ASXL3: variants seen among roughly 807,000 people sequenced by gnomAD.
The protein encoded by ASXL3 is ASXL transcriptional regulator 3, also known as putative Polycomb group protein ASXL3.
In ASXL3, 34 loss-of-function variants were observed where a neutral mutation model predicts 170.6. That is an observed-to-expected ratio of 0.20 (90% CI 0.15 to 0.27). ASXL3 has a LOEUF of 0.27. Ranked by LOEUF, ASXL3 falls within the 10% of genes least tolerant of loss-of-function variation. The pLI, the probability that ASXL3 is intolerant of heterozygous loss-of-function variation, is 1.00. For missense variants in ASXL3, 2,592 were observed against 2,695.3 expected, an observed-to-expected ratio of 0.96 and a Z score of 0.85; for synonymous variants, 1,002 against 989.1, an observed-to-expected ratio of 1.01 and a Z score of -0.24.
intron 8 of ASXL3, among the ~76,000 whole-genome samples, chr18:33,710,798 G>A (rs2067046804): frequency 6.6e-6 from 1 of 151,956 alleles, no homozygotes; most frequent in Non-Finnish European, 1.5e-5. Flanking sequence ...TAAACATATA[G>A]TTAAAATATA....
Position 33,743,510 on chromosome 18 carries a change from C to G in ASXL3, c.3662C>G (p.Ser1221Cys), listed in dbSNP as rs1245079335. The change falls in exon 12 of 12, where the codon TCT (serine) becomes TGT (cysteine). Residue 1221 changes from serine to cysteine, a missense_variant. Coordinates refer to ENST00000269197, the MANE Select transcript of ASXL3 (RefSeq NM_030632.3). ...HLSEKIVSST[S>C]SENSSVPMLF... The stretch of plus-strand genomic sequence containing the variant: ...TCTGAGAAAATTGTTTCATCTACCT[C>G]TTCTGAAAATAGCAGTGTGCCCATG... 4 of 1,613,514 alleles carry G rather than the reference C, an allele frequency of 2.5e-6. No homozygotes were observed. Among genetic ancestry groups the G allele is most frequent in the Non-Finnish European group, 3.4e-6 (4 of 1,179,832 alleles).
chr18:33,611,350 TTTTC>T lies in ASXL3; in HGVS notation c.137+3681_137+3684del, dbSNP rs544159063. On this transcript the variant is annotated intron_variant, in intron 2 of 11. Transcript: ENST00000269197. ...AATAGAATGATTTTTTAAGATCTGG[TTTTC>T]TTTCTTATGAAAATATTCTTGGTAA... 1.9e-3 allele frequency among the ~76,000 whole-genome samples: 293 copies of T among 152,202 alleles called. 1 individual carries two copies. Among genetic ancestry groups the T allele is most frequent in the African/African-American group, 6.7e-3 (278 of 41,554 alleles).
At chr18:33,664,555 C>G (rs971546460) in intron 5 of ASXL3, among the ~76,000 whole-genome samples, 2 of 152,098 alleles carry the variant, frequency 1.3e-5, no homozygotes, top group Non-Finnish European at 2.9e-5. Flanking sequence ...CCAGCGTAGA[C>G]TCTTAGAAAT....
At chr18:33,607,766 T>C (rs1447940201) in intron 2 of ASXL3, 90 bp downstream of exon 2, 1 of 939,132 alleles carries the variant, frequency 1.1e-6, no homozygotes. Context: ...GATTTTGATA[T>C]TGTAGTTGAT....
Position 33,742,970 on chromosome 18 carries a change from C to T in ASXL3, c.3122C>T (p.Thr1041Ile), listed in dbSNP as rs763743485. The change falls in exon 12 of 12, where the codon ACA becomes ATA. Residue 1041 changes from threonine to isoleucine, a missense_variant. This residue lies in a region of ASXL3 where 2,246 missense variants were observed against 2,219.6 expected (regional missense o/e 1.01). Transcript: ENST00000269197. ...SKPESRASTSTSVSGGRNTGA... is the reference protein window; with the variant it reads ...SKPESRASTSISVSGGRNTGA... ...CCTGAGTCTCGAGCATCCACTAGCACATCTGTCAGTGGCGGGAGGAACACA... is the reference window on the plus strand; with the variant it reads ...CCTGAGTCTCGAGCATCCACTAGCATATCTGTCAGTGGCGGGAGGAACACA... 6.2e-7 allele frequency: 1 copy of T among 1,613,922 alleles called. No homozygotes were observed. The highest frequency in any genetic ancestry group is 1.7e-5 in the Admixed American group (1 of 60,018).
At chr18:33,710,456 C>G (rs2067038811) in intron 8 of ASXL3, among the ~76,000 whole-genome samples, 1 of 152,132 alleles carries the variant, frequency 6.6e-6, no homozygotes, top group Non-Finnish European at 1.5e-5. Context: ...CTTCATTTTT[C>G]CATTTGAGTT....
At chr18:33,693,225 G>T (rs139531949) in intron 8 of ASXL3, among the ~76,000 whole-genome samples, 1 of 152,116 alleles carries the variant, frequency 6.6e-6, no homozygotes, top group African/African-American at 2.4e-5. Flanking sequence ...TGTTTATTGT[G>T]CATTTGAGAA....
chr18:33,594,526 T>C (rs1316538757), intron 1 of ASXL3, among the ~76,000 whole-genome samples: 2 of 152,114 alleles, frequency 1.3e-5, no homozygotes, highest in African/African-American at 4.8e-5. Flanking sequence ...CTCAAAGAGA[T>C]CCAACCCCTA....
At chr18:33,603,770 T>G (rs1298756917) in intron 1 of ASXL3, among the ~76,000 whole-genome samples, 1 of 152,112 alleles carries the variant, frequency 6.6e-6, no homozygotes, top group Non-Finnish European at 1.5e-5. Context: ...CTTCAGTCCA[T>G]GAGAGATGCA....
chr18:33,740,483 G>T, intron 11 of ASXL3, 40 bp downstream of exon 11: 2 of 1,464,880 alleles, frequency 1.4e-6, no homozygotes, highest in South Asian at 1.5e-5. Context: ...CCGTAGATAG[G>T]CTTTTCCTAT....
chr18:33,683,013 T>C (rs2066538274), intron 7 of ASXL3, among the ~76,000 whole-genome samples: 1 of 152,186 alleles, frequency 6.6e-6, no homozygotes, highest in Non-Finnish European at 1.5e-5. Flanking sequence ...AGTACTGTTG[T>C]TTCTGTTATC....
Position 33,749,885 on chromosome 18 carries a change from T to TACA in ASXL3, c.*3291_*3293dup, listed in dbSNP as rs967555527. ...TTCAAAATACACAAAAACAAGCTGG[T>TACA]ACATATGGTGCTTTATAATGCAGTC... On this transcript the variant is annotated 3_prime_UTR_variant, in exon 12 of 12. Coordinates refer to ENST00000269197, the MANE Select transcript of ASXL3 (RefSeq NM_030632.3). 1 of 152,242 alleles carries TACA rather than the reference T, an allele frequency of 6.6e-6. No individual in the cohort carries two copies. Among genetic ancestry groups the TACA allele is most frequent in the African/African-American group, 2.4e-5 (1 of 41,450 alleles). The allele number at this position is 152,242 out of a possible 1,614,324, so 9.4% of individuals were successfully genotyped here.
At chr18:33,647,951 G>A (rs930865987) in intron 4 of ASXL3, among the ~76,000 whole-genome samples, 3 of 151,980 alleles carry the variant, frequency 2.0e-5, no homozygotes, top group Non-Finnish European at 4.4e-5. Context: ...CAGGTAGAGG[G>A]AACAGCAGTT....
At chr18:33,622,273 A>G (rs1182608608) in intron 2 of ASXL3, among the ~76,000 whole-genome samples, 1 of 152,194 alleles carries the variant, frequency 6.6e-6, no homozygotes, top group Non-Finnish European at 1.5e-5. Flanking sequence ...TTCATCACAT[A>G]CAAAATGGTG....
chr18:33,693,018 T>A (rs1028590890), intron 8 of ASXL3, among the ~76,000 whole-genome samples: 9 of 152,154 alleles, frequency 5.9e-5, no homozygotes, highest in African/African-American at 1.7e-4. Flanking sequence ...GGCCTTGCTA[T>A]TATGACCTCA....
At chr18:33,741,579 A>ACTAT (rs1476368176) in intron 11 of ASXL3, among the ~76,000 whole-genome samples, 1 of 152,154 alleles carries the variant, frequency 6.6e-6, no homozygotes, top group Non-Finnish European at 1.5e-5. Context: ...TCTCCTCAAA[A>ACTAT]CTATCTTTTC....
At chr18:33,638,642 A>C (rs545328017) in intron 2 of ASXL3, among the ~76,000 whole-genome samples, 52 of 152,318 alleles carry the variant, frequency 3.4e-4, no homozygotes, top group African/African-American at 9.6e-4. Flanking sequence ...TGGAAAGAGC[A>C]CGGGCTTTGG....
rs573792807 is a variant in ASXL3 at position 33,670,965 on chromosome 18, A to G, written c.595+175A>G. Among the ~76,000 whole-genome samples the G allele has an allele frequency of 1.4e-4, 21 of 152,324 alleles. No homozygotes were observed. In the East Asian group the frequency reaches 3.7e-3, roughly 27 times the overall value. On this transcript the variant is annotated intron_variant, in intron 6 of 11. Transcript: ENST00000269197. ...CAAAAATATAGACTATTTCCAGTTC[A>G]GAAAAGAAAAAGGTACCAGCTTGCT...
At position 33,748,123 on chromosome 18, in the gene ASXL3, G is replaced by C. The variant is rs958681287; in HGVS notation, c.*1528G>C. 9 of 152,180 alleles carry C rather than the reference G, an allele frequency of 5.9e-5. No individual in the cohort carries two copies. The highest frequency in any genetic ancestry group is 1.9e-4 in the African/African-American group (8 of 41,506). The allele number at this position is 152,180 out of a possible 1,614,324, so 9.4% of individuals were successfully genotyped here. ...GTAGAATTTAAAAAGCAAACATGGGGGGGGTGGGGAATCATCTGTATCCAG... is the reference window on the plus strand; with the variant it reads ...GTAGAATTTAAAAAGCAAACATGGGCGGGGTGGGGAATCATCTGTATCCAG... On this transcript the variant is annotated 3_prime_UTR_variant, in exon 12 of 12. Coordinates refer to ENST00000269197, the MANE Select transcript of ASXL3 (RefSeq NM_030632.3).
Sources: allele counts gnomAD v4.1 joint callset (sites outside exome capture counted in the v4.1 genomes callset), GRCh38; gene constraint gnomAD v4.1.1; regional missense constraint gnomAD v4.1.1; transcripts MANE v1.5; gene names NCBI Gene and HGNC (gene_info 2026-07-23, HGNC 2026-07-21).